NCOR1: variants seen among roughly 807,000 people sequenced by gnomAD.
NCOR1 encodes nuclear receptor corepressor 1.
In NCOR1, 63 loss-of-function variants were observed where a neutral mutation model predicts 288.1. That is an observed-to-expected ratio of 0.22 (90% CI 0.18 to 0.27). The LOEUF (loss-of-function observed/expected upper bound fraction) is 0.27. Ranked by LOEUF, NCOR1 falls within the 10% of genes least tolerant of loss-of-function variation. The pLI, the probability that NCOR1 is intolerant of heterozygous loss-of-function variation, is 1.00. For synonymous variants in NCOR1, 1,007 were observed against 1,065.9 expected (o/e 0.94, Z 1.08); for missense variants, 2,397 against 3,019.2 (o/e 0.79, Z 4.83).
chr17:16,131,858 G>A (rs1290632097), intron 14 of NCOR1, among the ~76,000 whole-genome samples: 1 of 152,108 alleles, frequency 6.6e-6, no homozygotes, highest in Non-Finnish European at 1.5e-5. Flanking sequence ...TGCACTCCAG[G>A]GACTTTACAC....
chr17:16,177,309 C>A (rs1599970599), intron 3 of NCOR1, among the ~76,000 whole-genome samples: 1 of 152,034 alleles, frequency 6.6e-6, no homozygotes, highest in Admixed American at 6.5e-5. Context: ...TTATTAAGTT[C>A]TTTTATAGTG....
At chr17:16,209,476 C>T (rs1351122979) in intron 1 of NCOR1, among the ~76,000 whole-genome samples, 4 of 151,762 alleles carry the variant, frequency 2.6e-5, no homozygotes, top group Non-Finnish European at 5.9e-5. Context: ...AATCCCAGCA[C>T]TTTGGGAGGC....
chr17:16,145,484 T>C (rs899655601), intron 10 of NCOR1, among the ~76,000 whole-genome samples: 2 of 129,142 alleles, frequency 1.5e-5, no homozygotes, highest in African/African-American at 5.7e-5. Flanking sequence ...CCGTCTGGGA[T>C]GTGAGGAGCG....
intron 45 of NCOR1, among the ~76,000 whole-genome samples, chr17:16,033,277 G>A (rs1972730038): frequency 6.8e-6 from 1 of 146,380 alleles, no homozygotes; most frequent in Non-Finnish European, 1.5e-5. Context: ...GGAGGTTGCT[G>A]TGAGCCAAGA....
chr17:16,213,624 G>A (rs1470093327), intron 1 of NCOR1, among the ~76,000 whole-genome samples: 7 of 151,972 alleles, frequency 4.6e-5, no homozygotes, highest in Non-Finnish European at 7.4e-5. Flanking sequence ...CATTACAGGA[G>A]CCCAGAGGGA....
chr17:16,205,543 C>G (rs967125316), intron 1 of NCOR1, among the ~76,000 whole-genome samples: 1 of 151,834 alleles, frequency 6.6e-6, no homozygotes, highest in African/African-American at 2.4e-5. Context: ...ATCGCTTGAA[C>G]CTGGGAGGCG....
chr17:16,108,592 G>A (rs2069302098), intron 19 of NCOR1, among the ~76,000 whole-genome samples, 194 bp downstream of exon 19: 1 of 152,072 alleles, frequency 6.6e-6, no homozygotes, highest in African/African-American at 2.4e-5. Flanking sequence ...AAGATCTTCT[G>A]GACCATCCTA....
At chr17:16,182,437 A>C (rs2085677423) in intron 3 of NCOR1, among the ~76,000 whole-genome samples, 2 of 152,170 alleles carry the variant, frequency 1.3e-5, no homozygotes, top group Non-Finnish European at 2.9e-5. Flanking sequence ...AACTTAAATA[A>C]ATTTATTTTA....
intron 44 of NCOR1, among the ~76,000 whole-genome samples, chr17:16,038,060 A>G (rs1039378761): frequency 5.3e-5 from 8 of 152,198 alleles, no homozygotes; most frequent in Non-Finnish European, 1.2e-4. Flanking sequence ...TCTTAAAGTT[A>G]ACATGTATAG....
At chr17:16,144,720 CCTCT>C (rs568713182) in intron 10 of NCOR1, among the ~76,000 whole-genome samples, 178 of 151,920 alleles carry the variant, frequency 1.2e-3, no homozygotes, top group African/African-American at 4.2e-3. Flanking sequence ...TCTCCCTCTC[CCTCT>C]CTCTCCTCTC....
chr17:16,185,870 G>GAGGCTGC (rs935292620), intron 3 of NCOR1, among the ~76,000 whole-genome samples: 1 of 151,758 alleles, frequency 6.6e-6, no homozygotes, highest in Non-Finnish European at 1.5e-5. Flanking sequence ...CCAGGAGGTT[G>GAGGCTGC]AGGCTGCAAT....
Position 16,092,063 on chromosome 17 carries a change from A to G in NCOR1, c.2821-5T>C. ...GTTACATGGGGTGCAGGATACCTAT[A>G]GGAAGAAAATAAATCGAAATATGCA... is the stretch of plus-strand genomic sequence containing the variant. On this transcript the variant is annotated splice_polypyrimidine_tract_variant and splice_region_variant and intron_variant, in intron 21 of 45. Coordinates refer to ENST00000268712, the MANE Select transcript of NCOR1 (RefSeq NM_006311.4). 2 of 1,613,108 alleles carry G rather than the reference A, an allele frequency of 1.2e-6. No homozygotes were observed. The highest frequency in any genetic ancestry group is 8.5e-7 in the Non-Finnish European group (1 of 1,179,762).
Position 16,195,447 on chromosome 17 carries a change from G to A in NCOR1, c.-70-808C>T, listed in dbSNP as rs541371275. Among the ~76,000 whole-genome samples, 4 of 151,690 alleles carry A rather than the reference G, an allele frequency of 2.6e-5. No homozygotes were observed. In the South Asian group the frequency reaches 8.3e-4, roughly 31 times the overall value. On this transcript the variant is annotated intron_variant, in intron 1 of 45. Coordinates refer to ENST00000268712, the MANE Select transcript of NCOR1 (RefSeq NM_006311.4). ...GATCACGCCATTGCACGCCAGCCGG[G>A]GCAACAGAGCAAGACTCCGTCTCAA...
At chr17:16,149,292 C>CATATATATATATATATAT (rs34511605) in intron 9 of NCOR1, among the ~76,000 whole-genome samples, 159 bp downstream of exon 9, 90 of 137,948 alleles carry the variant, frequency 6.5e-4, no homozygotes, top group African/African-American at 2.2e-3. Context: ...AGATTTAAGT[C>CATATATATATATATATAT]ATATATATAT....
chr17:16,047,681 A>C (rs1167803943), intron 41 of NCOR1, among the ~76,000 whole-genome samples: 1 of 129,462 alleles, frequency 7.7e-6, no homozygotes, highest in Non-Finnish European at 1.6e-5. Flanking sequence ...GCAGCTTCCT[A>C]TACTAACACA....
rs2057157903 is a variant in NCOR1, at chr17:16,039,593, G to A, written c.6795C>T (p.Asp2265=). 1 of 1,614,000 alleles carries A rather than the reference G, an allele frequency of 6.2e-7. No homozygotes were observed. Among genetic ancestry groups the A allele is most frequent in the Non-Finnish European group, 8.5e-7 (1 of 1,180,036 alleles). ...ADPASNLGLE[D]IIRKALMGSF... ...TTCCCATGAGAGCCTTCCTGATAAT[G>A]TCTTCCAGCCCAAGATTACTGGCAG... is the stretch of plus-strand genomic sequence containing the variant. Residue 2265 remains aspartate (D), a synonymous_variant, in exon 44 of 46, where the codon GAC becomes GAT. Coordinates refer to ENST00000268712, the MANE Select transcript of NCOR1 (RefSeq NM_006311.4).
chr17:16,057,461 C>T, intron 40 of NCOR1, 53 bp downstream of exon 40: 1 of 1,511,898 alleles, frequency 6.6e-7, no homozygotes. Context: ...TAGATATATT[C>T]CATTTGTTTT....
chr17:16,149,067 C>T (rs9903464), intron 9 of NCOR1, among the ~76,000 whole-genome samples: 63,061 of 151,646 alleles, frequency 0.42, 14,942 homozygotes, highest in Middle Eastern at 0.55. Context: ...TAGCTGACCC[C>T]GTTTCTAATA....
At chr17:16,175,700 C>A (rs178832) in intron 3 of NCOR1, among the ~76,000 whole-genome samples, 1 of 151,854 alleles carries the variant, frequency 6.6e-6, no homozygotes, top group African/African-American at 2.4e-5. Flanking sequence ...CCAGTCCAGG[C>A]AATATAGCAA....
Sources: allele counts gnomAD v4.1 joint callset (sites outside exome capture counted in the v4.1 genomes callset), GRCh38; gene constraint gnomAD v4.1.1; transcripts MANE v1.5; gene names NCBI Gene and HGNC (gene_info 2026-07-23, HGNC 2026-07-21).